The following PARPBP variants were observed in gnomAD, a reference collection of about 807,000 sequenced individuals.
The protein encoded by PARPBP is PARP1 binding protein.
PARPBP carries 52 observed loss-of-function variants against 50.0 expected under a neutral mutation model. The ratio of observed to expected loss-of-function variants is 1.04; its 90% CI spans 0.83 to 1.31. PARPBP has a LOEUF of 1.31. Ranked by LOEUF, PARPBP falls within the 50% of genes most tolerant of loss-of-function variation. PARPBP has a pLI of 0.00. For synonymous variants in PARPBP, 244 were observed against 232.1 expected (o/e 1.05, Z -0.47); for missense variants, 697 against 672.0 (o/e 1.04, Z -0.41).
rs776726899 is a variant in PARPBP at position 102,153,917 on chromosome 12, G to T, written c.436G>T (p.Glu146Ter). 2 of 1,611,930 alleles carry T rather than the reference G, an allele frequency of 1.2e-6. No homozygotes were observed. The highest frequency in any genetic ancestry group is 4.5e-5 in the East Asian group (2 of 44,828). The change falls in exon 4 of 11, where the codon GAA (glutamate) becomes TAA (stop). Residue 146 changes from glutamate (E) to a stop codon, truncating the protein, a stop_gained. Coordinates refer to ENST00000327680, the MANE Select transcript of PARPBP (RefSeq NM_017915.5). LOFTEE classifies it high-confidence loss of function. ...TGGCAAACAGTATGCAGTAGGTGAT[G>T]AAACTGATCTTTCTATACCAACATC... ...LSGKQYAVGD[E>*]TDLSIPTSPT...
Position 102,197,241 on chromosome 12 carries a change from T to C in PARPBP, c.*950T>C. On this transcript the variant is annotated 3_prime_UTR_variant, in exon 11 of 11. Transcript: ENST00000327680. ...GTGGAACTATAATACAATTGTATAATATTCTTGTTGATCAATTCAAAGTTA... is the reference window on the plus strand; with the variant it reads ...GTGGAACTATAATACAATTGTATAACATTCTTGTTGATCAATTCAAAGTTA... The C allele has an allele frequency of 8.2e-7, 1 of 1,223,552 alleles. No individual in the cohort carries two copies. Among genetic ancestry groups the C allele is most frequent in the Non-Finnish European group, 1.2e-6 (1 of 857,006 alleles). 75.8% of individuals were successfully genotyped at this position (1,223,552 alleles called of 1,614,324 possible). A position where few individuals can be genotyped will look rare whatever the true frequency, so the allele number is the denominator to read the frequency against.
At chr12:102,149,660 G>T (rs999091909) in intron 3 of PARPBP, among the ~76,000 whole-genome samples, 1 of 152,162 alleles carries the variant, frequency 6.6e-6, no homozygotes, top group African/African-American at 2.4e-5. Context: ...TATCTTGCCA[G>T]AATAAAAACA....
chr12:102,120,280 T>TA lies in PARPBP; in HGVS notation c.-8dup, dbSNP rs752730992. ...AAGAGTACGTCTTCGGGTCTACCCC[T>TA]AATCACGTAAGTCTCGCGTCTGCCC... On this transcript the variant is annotated 5_prime_UTR_variant, in exon 1 of 11. Transcript: ENST00000327680. The TA allele has an allele frequency of 3.0e-6, 1 of 338,136 alleles. No homozygotes were observed. 20.9% of individuals were successfully genotyped at this position (338,136 alleles called of 1,614,324 possible).
chr12:102,164,424 A>G lies in PARPBP; in HGVS notation c.496-14A>G, dbSNP rs1488878000. On this transcript the variant is annotated splice_polypyrimidine_tract_variant and intron_variant, in intron 4 of 10. Transcript: ENST00000327680. ...ACTGCAATAAAGAAATTAACTGAAT[A>G]TTTTATTGCACAGGTGCAGCTGCTA... 1 of 1,588,906 alleles carries G rather than the reference A, an allele frequency of 6.3e-7. No individual in the cohort carries two copies. The highest frequency in any genetic ancestry group is 8.6e-7 in the Non-Finnish European group (1 of 1,160,814).
At chr12:102,173,754 A>C (rs73384872) in intron 6 of PARPBP, among the ~76,000 whole-genome samples, 2 of 151,634 alleles carry the variant, frequency 1.3e-5, no homozygotes, top group African/African-American at 4.9e-5. Context: ...TCCTGATCAC[A>C]GTGTTACTAG....
Position 102,148,438 on chromosome 12 carries a change from GTGAAAATTATAACACAGTATC to G in PARPBP, c.364_384del (p.Glu122_Ser128del). 2 of 1,450,444 alleles carry G rather than the reference GTGAAAATTATAACACAGTATC, an allele frequency of 1.4e-6. No individual in the cohort carries two copies. Among genetic ancestry groups the G allele is most frequent in the Non-Finnish European group, 1.9e-6 (2 of 1,037,590 alleles). The allele number at this position is 1,450,444 out of a possible 1,614,324, so 89.8% of individuals were successfully genotyped here. On this transcript the variant is annotated inframe_deletion, in exon 3 of 11. Transcript: ENST00000327680. The stretch of plus-strand genomic sequence containing the variant: ...AAATGTAGGGCTTTGACTTCTAATT[GTGAAAATTATAACACAGTATC>G]TCCTGTAAGTATTTTTTAAACAATT...
chr12:102,155,488 A>G (rs1886749169), intron 4 of PARPBP, among the ~76,000 whole-genome samples: 1 of 151,178 alleles, frequency 6.6e-6, no homozygotes, highest in Admixed American at 6.6e-5. Flanking sequence ...CTTGCAACTT[A>G]GCTCACACTC....
In PARPBP at chr12:102,196,336, C is replaced by A; in HGVS notation, c.*45C>A. 1 of 1,210,062 alleles carries A rather than the reference C, an allele frequency of 8.3e-7. No homozygotes were observed. The highest frequency in any genetic ancestry group is 1.2e-6 in the Non-Finnish European group (1 of 857,358). The allele number at this position is 1,210,062 out of a possible 1,614,324, so 75.0% of individuals were successfully genotyped here. A position where few individuals can be genotyped will look rare whatever the true frequency, so the allele number is the denominator to read the frequency against. On this transcript the variant is annotated 3_prime_UTR_variant, in exon 11 of 11. Transcript: ENST00000327680. Reference sequence around the variant, plus strand: ...TAGGTTTATGTATCTATAAACCATTCACCAAAGACATGCTTAATTTTTAAG... The same window carrying A: ...TAGGTTTATGTATCTATAAACCATTAACCAAAGACATGCTTAATTTTTAAG...
intron 6 of PARPBP, among the ~76,000 whole-genome samples, chr12:102,174,850 A>G (rs1295999567): frequency 2.6e-5 from 4 of 152,222 alleles, no homozygotes; most frequent in African/African-American, 9.6e-5. Context: ...TCTGTTGGCC[A>G]TAGTTGGTCC....
Position 102,164,556 on chromosome 12 carries a change from C to T in PARPBP, c.614C>T (p.Ala205Val). The T allele has an allele frequency of 1.2e-6, 2 of 1,613,270 alleles. No individual in the cohort carries two copies. The highest frequency in any genetic ancestry group is 1.7e-6 in the Non-Finnish European group (2 of 1,179,344). The change falls in exon 5 of 11, where the codon GCC becomes GTC. Residue 205 changes from alanine (A) to valine (V), a missense_variant. By Grantham distance (64) the Ala-to-Val change is moderately conservative. Transcript: ENST00000327680. ...CCTGATAGAGGACTAGGAAGAGAAG[C>T]CTTCACTGATTTGAAACATGCTGCT... Reference protein sequence around the residue: ...NIPDRGLGREAFTDLKHAARE... With the variant: ...NIPDRGLGREVFTDLKHAARE...
At chr12:102,136,678 T>C (rs1414111505) in intron 2 of PARPBP, among the ~76,000 whole-genome samples, 1 of 152,208 alleles carries the variant, frequency 6.6e-6, no homozygotes, top group Non-Finnish European at 1.5e-5. Flanking sequence ...ACAGTTCTTG[T>C]ATGTGTGTGC....
chr12:102,145,109 C>A (rs898779416), intron 2 of PARPBP, among the ~76,000 whole-genome samples: 2 of 151,984 alleles, frequency 1.3e-5, no homozygotes, highest in Non-Finnish European at 2.9e-5. Flanking sequence ...TAAGTACTAC[C>A]AGTGGCTAAT....
chr12:102,196,785 A>G lies in PARPBP; in HGVS notation c.*494A>G, dbSNP rs753141212. On this transcript the variant is annotated 3_prime_UTR_variant, in exon 11 of 11. Transcript: ENST00000327680. Reference sequence around the variant, plus strand: ...TTAAGAAAAAAAGAATGGATCTAGTATAACTAATTCTGAGTAAACCAAAAT... The same window carrying G: ...TTAAGAAAAAAAGAATGGATCTAGTGTAACTAATTCTGAGTAAACCAAAAT... 4 of 1,187,776 alleles carry G rather than the reference A, an allele frequency of 3.4e-6. No homozygotes were observed. The highest frequency in any genetic ancestry group is 3.6e-5 in the Admixed American group (2 of 55,228). 73.6% of individuals were successfully genotyped at this position (1,187,776 alleles called of 1,614,324 possible). A position where few individuals can be genotyped will look rare whatever the true frequency, so the allele number is the denominator to read the frequency against.
intron 7 of PARPBP, among the ~76,000 whole-genome samples, chr12:102,178,105 C>T (rs564728215): frequency 2.0e-5 from 3 of 152,304 alleles, no homozygotes; most frequent in East Asian, 3.9e-4. Context: ...GGAACCTTAG[C>T]TTTAAATATA....
Position 102,148,320 on chromosome 12 carries a change from A to T in PARPBP, c.244A>T (p.Met82Leu), listed in dbSNP as rs747312058. 1.2e-6 allele frequency: 2 copies of T among 1,604,866 alleles called. No homozygotes were observed. Among genetic ancestry groups the T allele is most frequent in the Non-Finnish European group, 1.7e-6 (2 of 1,172,094 alleles). The change falls in exon 3 of 11, where the codon ATG becomes TTG. Residue 82 changes from methionine (M) to leucine (L), a missense_variant. Physicochemically the swap from Met to Leu is conservative, Grantham distance 15. Transcript: ENST00000327680. ...HEKLNLPVENMDVTDHYEDVR... is the reference protein window; with the variant it reads ...HEKLNLPVENLDVTDHYEDVR... Reference sequence around the variant, plus strand: ...GAAATTGAACTTACCAGTTGAAAACATGGACGTGACTGACCATTATGAGGA... The same window carrying T: ...GAAATTGAACTTACCAGTTGAAAACTTGGACGTGACTGACCATTATGAGGA...
intron 4 of PARPBP, among the ~76,000 whole-genome samples, chr12:102,161,862 T>A (rs1887635825): frequency 6.6e-6 from 1 of 152,080 alleles, no homozygotes; most frequent in Non-Finnish European, 1.5e-5. Context: ...TACTTTAGAC[T>A]GGGGAATCAG....
At chr12:102,160,686 C>A (rs952648566) in intron 4 of PARPBP, among the ~76,000 whole-genome samples, 2 of 152,166 alleles carry the variant, frequency 1.3e-5, no homozygotes, top group Admixed American at 1.3e-4. Context: ...TGGTGGTTAA[C>A]GCCTGTAATC....
In PARPBP at chr12:102,148,419, A is replaced by G. The variant is rs200640822; in HGVS notation, c.343A>G (p.Arg115Gly). ...TCTGATTGATGTTTATCAAAAATGT[A>G]GGGCTTTGACTTCTAATTGTGAAAA... is the stretch of plus-strand genomic sequence containing the variant. Reference protein sequence around the residue: ...LDLIDVYQKCRALTSNCENYN... With the variant: ...LDLIDVYQKCGALTSNCENYN... The change falls in exon 3 of 11, where the codon AGG becomes GGG. Residue 115 changes from arginine to glycine, a missense_variant. By Grantham distance (125) the Arg-to-Gly change is moderately radical. Coordinates refer to ENST00000327680, the MANE Select transcript of PARPBP (RefSeq NM_017915.5). 120 of 1,547,016 alleles carry G rather than the reference A, an allele frequency of 7.8e-5. No homozygotes were observed. The Admixed American group carries it at 1.9e-3, about 24-fold the overall frequency.
chr12:102,156,515 C>T (rs973625225), intron 4 of PARPBP, among the ~76,000 whole-genome samples: 8 of 151,732 alleles, frequency 5.3e-5, no homozygotes, highest in South Asian at 2.1e-4. Context: ...AAATATTTTA[C>T]GGGGCTTAAC....
Sources: gnomAD v4.1 joint callset for allele counts (sites outside exome capture counted in the v4.1 genomes callset) on GRCh38, gnomAD v4.1.1 for gene constraint, MANE v1.5 for transcripts, NCBI Gene and HGNC (gene_info 2026-07-23, HGNC 2026-07-21) for gene names.